Variants in EXOC4 observed in about 807,000 individuals in gnomAD.
EXOC4 encodes the protein exocyst complex component 4.
A neutral mutation model predicts 107.2 loss-of-function variants in EXOC4; 71 were observed. The observed-to-expected ratio is 0.66, with a 90% confidence interval of 0.55 to 0.81. The LOEUF (loss-of-function observed/expected upper bound fraction) is 0.81, where lower values mean the gene tolerates loss of function less well. Among genes scored for constraint, EXOC4 ranks in the 30% least tolerant of loss-of-function variants. EXOC4 has a pLI of 0.00. For synonymous variants in EXOC4, 456 were observed against 441.2 expected (o/e 1.03, Z -0.42); for missense variants, 1,108 against 1,189.6 (o/e 0.93, Z 1.01).
chr7:133,384,247 T>G (rs1020967872), intron 7 of EXOC4, among the ~76,000 whole-genome samples: 2 of 152,128 alleles, frequency 1.3e-5, no homozygotes, highest in Admixed American at 6.6e-5. Flanking sequence ...TACCCCAGAA[T>G]AGGTTGATCT....
intron 10 of EXOC4, among the ~76,000 whole-genome samples, chr7:133,784,440 T>C (rs1796528636): frequency 6.6e-6 from 1 of 152,160 alleles, no homozygotes; most frequent in Non-Finnish European, 1.5e-5. Flanking sequence ...AGGTGATATA[T>C]GGAGCACCCT....
rs143508417 is a variant in EXOC4, at chr7:133,697,439, A to G, written c.1514+67298A>G. On this transcript the variant is annotated intron_variant, in intron 10 of 17. Coordinates refer to ENST00000253861, the MANE Select transcript of EXOC4 (RefSeq NM_021807.4). ...CCATTGAGCATTGAAGGTTTTTAAA[A>G]CTTACAGAAAGCCACAAAACGAGTT... 2.1e-3 allele frequency among the ~76,000 whole-genome samples: 320 copies of G among 152,318 alleles called. 2 individuals are homozygous for G. Among genetic ancestry groups the G allele is most frequent in the African/African-American group, 7.6e-3 (314 of 41,570 alleles).
At chr7:133,953,470 C>T (rs1800740953) in intron 14 of EXOC4, among the ~76,000 whole-genome samples, 2 of 144,454 alleles carry the variant, frequency 1.4e-5, no homozygotes, top group African/African-American at 5.1e-5. Flanking sequence ...CCAGGTGTGG[C>T]CCCATTTGTA....
intron 5 of EXOC4, among the ~76,000 whole-genome samples, chr7:133,338,528 G>A (rs1452321472): frequency 1.4e-5 from 2 of 138,232 alleles, no homozygotes; most frequent in East Asian, 4.6e-4. Flanking sequence ...GGGAAGCGGA[G>A]CTTGCAGTGA....
At chr7:133,949,160 G>A (rs1458847602) in intron 14 of EXOC4, among the ~76,000 whole-genome samples, 1 of 152,132 alleles carries the variant, frequency 6.6e-6, no homozygotes, top group African/African-American at 2.4e-5. Context: ...CCCAAATTTG[G>A]TAGTCATGCA....
intron 6 of EXOC4, among the ~76,000 whole-genome samples, chr7:133,365,928 C>A (rs765759170): frequency 6.6e-6 from 1 of 152,112 alleles, no homozygotes; most frequent in South Asian, 2.1e-4. Flanking sequence ...AGAGCATAAT[C>A]GTAGGGAAAT....
chr7:133,500,614 C>G (rs1799558818), intron 9 of EXOC4, among the ~76,000 whole-genome samples: 4 of 152,122 alleles, frequency 2.6e-5, no homozygotes, highest in Admixed American at 2.6e-4. Flanking sequence ...GTGTGCAGGT[C>G]TCTGTGTGGG....
chr7:133,933,598 G>C (rs937767904), intron 13 of EXOC4, among the ~76,000 whole-genome samples: 1 of 152,114 alleles, frequency 6.6e-6, no homozygotes, highest in Non-Finnish European at 1.5e-5. Flanking sequence ...GAAGATGAAG[G>C]GTACATAAAA....
chr7:133,934,973 T>C (rs766349863), intron 13 of EXOC4, among the ~76,000 whole-genome samples: 1 of 151,138 alleles, frequency 6.6e-6, no homozygotes, highest in Non-Finnish European at 1.5e-5. Flanking sequence ...ATGAGTCAGC[T>C]AGAAATTGCA....
rs761524486 is a variant in EXOC4 at position 134,005,023 on chromosome 7, T to C, written c.2460T>C (p.Asp820=). The change falls in exon 16 of 18, where the codon GAT becomes GAC. Residue 820 remains aspartate (D), a synonymous_variant. Transcript: ENST00000253861. ...CCCTGGTGGTCAAGCTCAACAAAGA[T>C]ATCAGCGCCATTGAAGAGGCCATGA... is the stretch of plus-strand genomic sequence containing the variant. The part of the protein sequence containing the change: ...YDPLVVKLNK[D]ISAIEEAMSA... 6.8e-6 allele frequency: 11 copies of C among 1,613,472 alleles called. No individual in the cohort carries two copies.
At chr7:133,975,744 T>C (rs991446686) in intron 14 of EXOC4, among the ~76,000 whole-genome samples, 87 of 75,652 alleles carry the variant, frequency 1.1e-3, no homozygotes, top group African/African-American at 4.7e-3. Flanking sequence ...AAAATGCGTG[T>C]GCACACACAC....
chr7:133,573,040 A>T (rs1409758366), intron 9 of EXOC4, among the ~76,000 whole-genome samples: 1 of 152,196 alleles, frequency 6.6e-6, no homozygotes, highest in Non-Finnish European at 1.5e-5. Context: ...AGCACTTACT[A>T]TATATAGGTA....
At chr7:133,507,565 G>A (rs951096978) in intron 9 of EXOC4, among the ~76,000 whole-genome samples, 3 of 152,178 alleles carry the variant, frequency 2.0e-5, no homozygotes, top group African/African-American at 7.2e-5. Flanking sequence ...CATGCAAATA[G>A]GGCATAGCTT....
chr7:133,558,201 C>CTTTTCTTTTCTTTTCTTTTTT (rs1554471700), intron 9 of EXOC4, among the ~76,000 whole-genome samples: 1 of 125,824 alleles, frequency 7.9e-6, no homozygotes, highest in Non-Finnish European at 1.6e-5. Flanking sequence ...CTTTTCTTTT[C>CTTTTCTTTTCTTTTCTTTTTT]TTTTCTTTTC....
At chr7:133,861,831 G>A (rs375034193) in intron 11 of EXOC4, among the ~76,000 whole-genome samples, 70 of 152,264 alleles carry the variant, frequency 4.6e-4, no homozygotes, top group Middle Eastern at 3.4e-3. Flanking sequence ...ACCTCGTCTG[G>A]CAAGGAATCC....
At chr7:133,986,854 G>A (rs1446910178) in intron 14 of EXOC4, among the ~76,000 whole-genome samples, 2 of 152,102 alleles carry the variant, frequency 1.3e-5, no homozygotes, top group Admixed American at 6.5e-5. Flanking sequence ...GAGTATTATG[G>A]TGTCTGACAC....
intron 10 of EXOC4, among the ~76,000 whole-genome samples, chr7:133,810,718 C>T (rs1276529907): frequency 6.6e-6 from 1 of 151,808 alleles, no homozygotes; most frequent in Non-Finnish European, 1.5e-5. Flanking sequence ...CTGCAACCTC[C>T]GCCTCCCAGG....
rs1270890013 is a variant in EXOC4, at chr7:133,356,350, G to A, written c.784G>A (p.Asp262Asn). 6.2e-7 allele frequency: 1 copy of A among 1,613,796 alleles called. No individual in the cohort carries two copies. Among genetic ancestry groups the A allele is most frequent in the African/African-American group, 1.3e-5 (1 of 74,882 alleles). The change falls in exon 6 of 18, where the codon GAC becomes AAC. Residue 262 changes from aspartate (D) to asparagine (N), a missense_variant. Coordinates refer to ENST00000253861, the MANE Select transcript of EXOC4 (RefSeq NM_021807.4). ...SSSVREINLQDIKEDLELDPE... is the reference protein window; with the variant it reads ...SSSVREINLQNIKEDLELDPE... ...TTCAGTGAGGGAGATAAATCTGCAG[G>A]ACATCAAGGAAGATTTAGAATTGGA... is the stretch of plus-strand genomic sequence containing the variant.
chr7:133,994,454 G>A (rs940526856), intron 14 of EXOC4, among the ~76,000 whole-genome samples: 8 of 152,074 alleles, frequency 5.3e-5, no homozygotes, highest in South Asian at 4.1e-4. Context: ...CCACAATGGC[G>A]CCTGAATAAC....
Sources: gnomAD v4.1 joint callset for allele counts (sites outside exome capture counted in the v4.1 genomes callset) on GRCh38, gnomAD v4.1.1 for gene constraint, MANE v1.5 for transcripts, NCBI Gene and HGNC (gene_info 2026-07-23, HGNC 2026-07-21) for gene names.